CIP2A: variants seen among roughly 807,000 people sequenced by gnomAD.
The protein encoded by CIP2A is cellular inhibitor of PP2A.
A neutral mutation model predicts 110.9 loss-of-function variants in CIP2A; 103 were observed. The observed-to-expected ratio is 0.93, with a 90% CI of 0.79 to 1.09. The LOEUF (loss-of-function observed/expected upper bound fraction) is 1.09, where lower values mean the gene tolerates loss of function less well. Ranked by LOEUF, CIP2A falls within the 50% of genes least tolerant of loss-of-function variation. CIP2A has a pLI of 0.00. For missense variants in CIP2A, 1,088 were observed against 1,038.4 expected (o/e 1.05, Z -0.66); for synonymous variants, 381 against 361.6 (o/e 1.05, Z -0.61).
At chr3:108,561,496 C>A (rs76432943) in intron 13 of CIP2A, among the ~76,000 whole-genome samples, 2 of 151,916 alleles carry the variant, frequency 1.3e-5, no homozygotes, top group Non-Finnish European at 2.9e-5. Context: ...CCTGGTGAGA[C>A]CCCTCTATAA....
intron 11 of CIP2A, among the ~76,000 whole-genome samples, chr3:108,565,665 GT>G (rs1046072338): frequency 2.0e-5 from 3 of 151,794 alleles, no homozygotes; most frequent in Admixed American, 6.6e-5. Flanking sequence ...AATAGCCTTA[GT>G]TTAGACAGTG....
intron 1 of CIP2A, among the ~76,000 whole-genome samples, chr3:108,588,507 T>C (rs1255563327): frequency 2.0e-5 from 3 of 152,198 alleles, no homozygotes; most frequent in Non-Finnish European, 2.9e-5. Context: ...TAATACAATA[T>C]ATTTTAAAAT....
intron 8 of CIP2A, among the ~76,000 whole-genome samples, chr3:108,573,047 A>G (rs1040454882): frequency 5.9e-5 from 9 of 152,040 alleles, no homozygotes; most frequent in African/African-American, 2.2e-4. Flanking sequence ...TTCCACCTTT[A>G]ATGAGATAAT....
At position 108,583,008 on chromosome 3, in the gene CIP2A, C is replaced by T. The variant is rs1436090884; in HGVS notation, c.326G>A (p.Arg109Gln). The T allele has an allele frequency of 6.2e-6, 10 of 1,610,028 alleles. No individual in the cohort carries two copies. The highest frequency in any genetic ancestry group is 1.1e-5 in the South Asian group (1 of 90,356). ...LNSVLAGVVC[R>Q]SSHTDSVFLQ... ...AAACACCGAATCAGTGTGGCTGCTC[C>T]GACAAACCACTCCCGCCAGCACACT... is the stretch of plus-strand genomic sequence containing the variant. The change falls in exon 3 of 21, where the codon CGG becomes CAG. Residue 109 changes from arginine to glutamine, a missense_variant. Coordinates refer to ENST00000295746, the MANE Select transcript of CIP2A (RefSeq NM_020890.3).
intron 12 of CIP2A, 71 bp downstream of exon 12, chr3:108,565,284 T>C (rs962503209): frequency 7.8e-6 from 6 of 766,880 alleles, no homozygotes; most frequent in African/African-American, 7.3e-5. Context: ...ATTAAGAATA[T>C]TAAAACAGAA....
chr3:108,575,792 A>G (rs59152743), intron 8 of CIP2A, among the ~76,000 whole-genome samples: 1,172 of 32,110 alleles, frequency 0.036, 339 homozygotes, highest in African/African-American at 0.091. Context: ...ATACATGTGT[A>G]TATATACGTG....
intron 7 of CIP2A, among the ~76,000 whole-genome samples, 162 bp from the exon 8 acceptor site, chr3:108,576,508 CAT>C (rs1320975527): frequency 6.6e-6 from 1 of 152,098 alleles, no homozygotes; most frequent in Non-Finnish European, 1.5e-5. Flanking sequence ...ATACTTAAAA[CAT>C]ATGTCTTACA....
intron 18 of CIP2A, among the ~76,000 whole-genome samples, chr3:108,554,058 G>A (rs1937701533): frequency 2.6e-5 from 4 of 151,972 alleles, no homozygotes; most frequent in Middle Eastern, 6.8e-3. Context: ...ACAACACCCA[G>A]CTAATTTTTG....
chr3:108,577,202 G>A (rs575234798), intron 7 of CIP2A, among the ~76,000 whole-genome samples: 17 of 152,234 alleles, frequency 1.1e-4, no homozygotes, highest in African/African-American at 3.9e-4. Flanking sequence ...AAGGTTGAGA[G>A]GTTGTTAGGG....
In CIP2A at chr3:108,581,756, G is replaced by A. The variant is rs1448728501; in HGVS notation, c.453-245C>T. Among the ~76,000 whole-genome samples the A allele has an allele frequency of 3.3e-5, 5 of 152,210 alleles. No homozygotes were observed. In the East Asian group the frequency reaches 5.8e-4, roughly 18 times the overall value. The stretch of plus-strand genomic sequence containing the variant: ...TGAAAACATGGAAGTAACTGTCAGC[G>A]TGGACCATGTGCTGTTTCATCAGTA... On this transcript the variant is annotated intron_variant, in intron 4 of 20. Coordinates refer to ENST00000295746, the MANE Select transcript of CIP2A (RefSeq NM_020890.3).
In CIP2A at chr3:108,589,343, G is replaced by A. The variant is rs62638698; in HGVS notation, c.33C>T (p.Leu11=). Residue 11 remains leucine (L), a synonymous_variant, in exon 1 of 21, where the codon CTC becomes CTT. Transcript: ENST00000295746. ...CGGCTTTGTACTGACTGACAGTCAGGAGCAAGGACTTCAAGCAGGCAGTGG... is the reference window on the plus strand; with the variant it reads ...CGGCTTTGTACTGACTGACAGTCAGAAGCAAGGACTTCAAGCAGGCAGTGG... MDSTACLKSL[L]LTVSQYKAVK... 8.5e-4 allele frequency: 1,366 copies of A among 1,613,912 alleles called. 10 individuals are homozygous for A. Among genetic ancestry groups the A allele is most frequent in the Middle Eastern group, 1.7e-3 (10 of 6,060 alleles).
intron 5 of CIP2A, 67 bp from the exon 6 acceptor site, chr3:108,579,755 T>C: frequency 9.8e-7 from 1 of 1,025,086 alleles, no homozygotes; most frequent in Admixed American, 3.3e-5. Flanking sequence ...AAAAAGTATA[T>C]CTTGCACAGA....
rs781482124 is a variant in CIP2A, at chr3:108,579,664, T to A, written c.574A>T (p.Thr192Ser). ...TLSNVKSFYR[T>S]LITLLAHSSL... The stretch of plus-strand genomic sequence containing the variant: ...CTATGGGCCAACAAGGTGATAAGAG[T>A]TCGATAAAAAGATTTCACATTACTC... Residue 192 changes from threonine (T) to serine (S), a missense_variant, in exon 6 of 21, where the codon ACT becomes TCT. Thr to Ser is a moderately conservative substitution (Grantham distance 58, BLOSUM62 1). Coordinates refer to ENST00000295746, the MANE Select transcript of CIP2A (RefSeq NM_020890.3). 9.5e-6 allele frequency: 15 copies of A among 1,577,032 alleles called. No homozygotes were observed. Among genetic ancestry groups the A allele is most frequent in the Non-Finnish European group, 1.2e-5 (14 of 1,165,496 alleles).
chr3:108,563,329 T>A, intron 12 of CIP2A, 85 bp from the exon 13 acceptor site: 1 of 778,578 alleles, frequency 1.3e-6, no homozygotes, highest in Non-Finnish European at 2.2e-6. Flanking sequence ...TAAATATATG[T>A]AAATCTTAAT....
chr3:108,569,308 T>A, intron 9 of CIP2A, 81 bp downstream of exon 9: 1 of 1,037,390 alleles, frequency 9.6e-7, no homozygotes, highest in East Asian at 2.5e-5. Context: ...AACTGTAAGT[T>A]TACAAAGAAT....
intron 13 of CIP2A, among the ~76,000 whole-genome samples, chr3:108,561,414 T>C (rs1423946480): frequency 6.6e-6 from 1 of 152,180 alleles, no homozygotes; most frequent in Non-Finnish European, 1.5e-5. Context: ...CTGGGCATGG[T>C]GGCTCACACC....
chr3:108,554,217 A>C (rs1937706922), intron 18 of CIP2A, among the ~76,000 whole-genome samples, 159 bp downstream of exon 18: 1 of 152,120 alleles, frequency 6.6e-6, no homozygotes, highest in Admixed American at 6.6e-5. Flanking sequence ...ATTTCTAAGA[A>C]CAGCAATTGC....
chr3:108,574,702 T>C (rs1177414741), intron 8 of CIP2A: 1 of 152,492 alleles, frequency 6.6e-6, no homozygotes. Context: ...GACAGCCCTT[T>C]CCAATGTACA....
intron 11 of CIP2A, 151 bp from the exon 12 acceptor site, chr3:108,565,605 C>T (rs1475854381): frequency 7.6e-6 from 4 of 528,782 alleles, no homozygotes; most frequent in Non-Finnish European, 1.3e-5. Context: ...AAGTAAAAAT[C>T]TCAATCAACA....
Sources: allele counts gnomAD v4.1 joint callset (sites outside exome capture counted in the v4.1 genomes callset), GRCh38; gene constraint gnomAD v4.1.1; transcripts MANE v1.5; gene names NCBI Gene and HGNC (gene_info 2026-07-23, HGNC 2026-07-21).